Variants in VPS13B observed in about 807,000 individuals in gnomAD.
VPS13B encodes intermembrane lipid transfer protein VPS13B.
VPS13B carries 285 observed loss-of-function variants against 426.4 expected under a neutral mutation model. That is an observed-to-expected ratio of 0.67 (90% confidence interval 0.61 to 0.74). The LOEUF is 0.74. Among genes scored for constraint, VPS13B ranks in the 30% least tolerant of loss-of-function variants. VPS13B has a pLI of 0.00. For synonymous variants in VPS13B, 1,676 were observed against 1,676.4 expected (o/e 1.00, Z 0.01); for missense variants, 4,537 against 4,782.6 (o/e 0.95, Z 1.51).
chr8:99,162,274 TATC>T (rs1811702065), intron 15 of VPS13B, among the ~76,000 whole-genome samples: 1 of 152,212 alleles, frequency 6.6e-6, no homozygotes. Context: ...GTTTTAGTTT[TATC>T]ATATTACAGT....
chr8:99,873,167 T>C (rs887197442), intron 61 of VPS13B: 2 of 152,206 alleles, frequency 1.3e-5, no homozygotes, highest in Non-Finnish European at 2.9e-5. Context: ...ATTCCTTAGC[T>C]GCTTGGGAAA....
At chr8:99,495,770 T>A (rs770988328) in intron 25 of VPS13B, among the ~76,000 whole-genome samples, 1 of 152,236 alleles carries the variant, frequency 6.6e-6, no homozygotes, top group Non-Finnish European at 1.5e-5. Context: ...CTACTTAGGC[T>A]GAGATAGATA....
intron 39 of VPS13B, among the ~76,000 whole-genome samples, chr8:99,730,833 G>T (rs1021669981): frequency 6.6e-6 from 1 of 150,936 alleles, no homozygotes; most frequent in Non-Finnish European, 1.5e-5. Flanking sequence ...AGTCTTTCAG[G>T]AGGGACAAGT....
chr8:99,391,795 G>A (rs1036512447), intron 21 of VPS13B, 91 bp downstream of exon 21: 11 of 1,476,124 alleles, frequency 7.5e-6, no homozygotes, highest in Non-Finnish European at 1.0e-5. Flanking sequence ...GCTGGCCAAA[G>A]ACATGAGACT....
intron 17 of VPS13B, chr8:99,233,978 G>A (rs1816500494): frequency 1.3e-6 from 1 of 780,552 alleles, no homozygotes; most frequent in Non-Finnish European, 2.4e-6. Context: ...CCGGGACTGG[G>A]TCTGCTCAGT....
chr8:99,834,586 G>A (rs113265871), intron 52 of VPS13B, among the ~76,000 whole-genome samples: 4,693 of 151,010 alleles, frequency 0.031, 96 homozygotes, highest in Non-Finnish European at 0.041. Context: ...ACCCAGGCTC[G>A]AGTGCAGTGG....
chr8:99,652,959 G>GAAATGACC (rs1392432043), intron 34 of VPS13B, among the ~76,000 whole-genome samples: 55 of 152,260 alleles, frequency 3.6e-4, no homozygotes, highest in Middle Eastern at 3.4e-3. Context: ...GGTTAAATAA[G>GAAATGACC]AAATGACCCA....
At chr8:99,475,286 G>GT (rs1380485341) in intron 24 of VPS13B, among the ~76,000 whole-genome samples, 1 of 152,134 alleles carries the variant, frequency 6.6e-6, no homozygotes, top group Admixed American at 6.6e-5. Flanking sequence ...CAGAACTGTT[G>GT]TTTTTCTAAA....
At chr8:99,207,169 A>C (rs547532378) in intron 17 of VPS13B, among the ~76,000 whole-genome samples, 1 of 152,282 alleles carries the variant, frequency 6.6e-6, no homozygotes, top group South Asian at 2.1e-4. Flanking sequence ...TTTATAGAAT[A>C]TGTGGTCATT....
chr8:99,504,286 G>T (rs962235682), intron 27 of VPS13B, among the ~76,000 whole-genome samples: 2 of 152,288 alleles, frequency 1.3e-5, no homozygotes, highest in East Asian at 3.9e-4. Flanking sequence ...GTAGATGATA[G>T]TGCCATGCTT....
chr8:99,240,699 TA>T (rs546228417), intron 17 of VPS13B, among the ~76,000 whole-genome samples: 2 of 152,178 alleles, frequency 1.3e-5, no homozygotes, highest in South Asian at 2.1e-4. Context: ...TATTTAAAAC[TA>T]AAAAAAATCA....
intron 25 of VPS13B, among the ~76,000 whole-genome samples, chr8:99,496,728 C>G (rs115145954): frequency 0.02 from 3,075 of 152,100 alleles, 112 homozygotes; most frequent in African/African-American, 0.07. Flanking sequence ...CATACGTACA[C>G]AAGTACACAC....
intron 15 of VPS13B, among the ~76,000 whole-genome samples, chr8:99,169,548 G>A (rs1272535366): frequency 1.3e-5 from 2 of 151,866 alleles, no homozygotes; most frequent in Non-Finnish European, 2.9e-5. Flanking sequence ...TAACATTTTA[G>A]GATATTTTTC....
chr8:99,202,040 C>A (rs11997495), intron 17 of VPS13B, among the ~76,000 whole-genome samples: 9,899 of 152,138 alleles, frequency 0.065, 431 homozygotes, highest in African/African-American at 0.12. Context: ...TAGACATAGA[C>A]CTTGCTGGAA....
chr8:99,229,119 C>T (rs1388605623), intron 17 of VPS13B, among the ~76,000 whole-genome samples: 4 of 152,036 alleles, frequency 2.6e-5, no homozygotes, highest in Non-Finnish European at 4.4e-5. Context: ...CTGCAAACTG[C>T]GTACTAGAGA....
Position 99,575,729 on chromosome 8 carries a change from G to A in VPS13B, c.5021G>A (p.Gly1674Glu). The change falls in exon 32 of 62, where the codon GGA becomes GAA. Residue 1674 changes from glycine to glutamate, a missense_variant. Physicochemically the swap from Gly to Glu is moderately conservative, Grantham distance 98. Around this residue, in one of 2 missense-constraint regions of VPS13B, gnomAD observed 4,311 missense variants for 4,474.3 expected, o/e 0.96. Coordinates refer to ENST00000357162, the MANE Select transcript of VPS13B (RefSeq NM_152564.5). ...VLTDFSVRIT[G>E]APAVIFTKVV... ...ACAGATTTTTCTGTCCGAATAACTG[G>A]AGCACCTGCTGTCATTTTCACCAAA... The A allele has an allele frequency of 1.2e-6, 2 of 1,613,764 alleles. No individual in the cohort carries two copies. Among genetic ancestry groups the A allele is most frequent in the Non-Finnish European group, 1.7e-6 (2 of 1,179,880 alleles).
At chr8:99,052,473 G>C (rs896927434) in intron 3 of VPS13B, among the ~76,000 whole-genome samples, 2 of 110,256 alleles carry the variant, frequency 1.8e-5, no homozygotes, top group African/African-American at 6.9e-5. Flanking sequence ...GTTCATCAGG[G>C]ATATTGGTCT....
At chr8:99,587,693 T>C (rs930748506) in intron 33 of VPS13B, among the ~76,000 whole-genome samples, 2 of 151,836 alleles carry the variant, frequency 1.3e-5, no homozygotes, top group African/African-American at 4.9e-5. Flanking sequence ...GTAAATTTGT[T>C]TAAGTTCTTT....
chr8:99,835,501 A>G (rs376598477), intron 53 of VPS13B, 38 bp from the exon 54 acceptor site: 21 of 1,599,316 alleles, frequency 1.3e-5, no homozygotes, highest in Non-Finnish European at 1.6e-5. Flanking sequence ...CTCTGTCTTT[A>G]AGGGCTAATT....
Sources: gnomAD v4.1 joint callset for allele counts (sites outside exome capture counted in the v4.1 genomes callset) on GRCh38, gnomAD v4.1.1 for gene constraint, gnomAD v4.1.1 regional missense constraint, MANE v1.5 for transcripts, NCBI Gene and HGNC (gene_info 2026-07-23, HGNC 2026-07-21) for gene names.